SMC5: variants seen among roughly 807,000 people sequenced by gnomAD.
SMC5 encodes structural maintenance of chromosomes protein 5.
SMC5 carries 88 observed loss-of-function variants against 148.3 expected under a neutral mutation model. That is an observed-to-expected ratio of 0.59 (90% CI 0.50 to 0.71). SMC5 has a LOEUF of 0.71. Ranked by LOEUF, SMC5 falls within the 30% of genes least tolerant of loss-of-function variation. The pLI, the probability that SMC5 is intolerant of heterozygous loss-of-function variation, is 0.00. For synonymous variants in SMC5, 421 were observed against 432.8 expected, an observed-to-expected ratio of 0.97 and a Z score of 0.34; for missense variants, 1,142 against 1,298.9, an observed-to-expected ratio of 0.88 and a Z score of 1.86.
chr9:70,265,337 T>A (rs909190436), intron 2 of SMC5, among the ~76,000 whole-genome samples: 1 of 152,094 alleles, frequency 6.6e-6, no homozygotes, highest in Non-Finnish European at 1.5e-5. Flanking sequence ...CGGGTGCCTG[T>A]AATCCCAGCT....
At chr9:70,347,234 C>A in intron 20 of SMC5, 73 bp downstream of exon 20, 1 of 1,225,584 alleles carries the variant, frequency 8.2e-7, no homozygotes. Flanking sequence ...CACATACACA[C>A]ACAGAGTTCC....
chr9:70,262,203 TG>T lies in SMC5; in HGVS notation c.186-2099del, dbSNP rs1020251700. 3.7e-4 allele frequency among the ~76,000 whole-genome samples: 57 copies of T among 152,210 alleles called. 1 individual carries two copies. The highest frequency in any genetic ancestry group is 1.8e-3 in the Admixed American group (28 of 15,296). On this transcript the variant is annotated intron_variant, in intron 1 of 24. Coordinates refer to ENST00000361138, the MANE Select transcript of SMC5 (RefSeq NM_015110.4). ...GGAGTTGGGAGTGGAGGAAGACACT[TG>T]GAGGCTGAAGGAATAACATGTGCAA...
At chr9:70,273,258 G>T (rs752414992) in intron 3 of SMC5, among the ~76,000 whole-genome samples, 1 of 149,722 alleles carries the variant, frequency 6.7e-6, no homozygotes, top group Non-Finnish European at 1.5e-5. Context: ...TATAGTAATC[G>T]GTTGCTTAGA....
At chr9:70,295,470 C>CA (rs767989666) in intron 8 of SMC5, among the ~76,000 whole-genome samples, 14,008 of 81,168 alleles carry the variant, frequency 0.17, 953 homozygotes, top group African/African-American at 0.27. Context: ...GACCCTGTCT[C>CA]AAAAAAAAAA....
intron 20 of SMC5, 70 bp downstream of exon 20, chr9:70,347,231 A>C: frequency 1.6e-6 from 2 of 1,263,278 alleles, no homozygotes; most frequent in Non-Finnish European, 2.3e-6. Flanking sequence ...ACACACATAC[A>C]CACACAGAGT....
intron 14 of SMC5, 38 bp downstream of exon 14, chr9:70,318,725 A>T (rs763290523): frequency 1.3e-6 from 2 of 1,561,862 alleles, no homozygotes; most frequent in African/African-American, 2.8e-5. Context: ...AAAGAATATT[A>T]ACTGGATTTC....
At chr9:70,290,592 C>G (rs1206597376) in intron 8 of SMC5, among the ~76,000 whole-genome samples, 1 of 152,104 alleles carries the variant, frequency 6.6e-6, no homozygotes, top group Non-Finnish European at 1.5e-5. Flanking sequence ...TGCGGGTTCT[C>G]TTGATTTATT....
At position 70,308,687 on chromosome 9, in the gene SMC5, T is replaced by G. The variant is rs559963046; in HGVS notation, c.1578+3327T>G. On this transcript the variant is annotated intron_variant, in intron 11 of 24. Transcript: ENST00000361138. ...GTGCCTCTATTAATGTCTCTCAACATTTTTTCTTTTTCATTGTATTAAGTT... is the reference window on the plus strand; with the variant it reads ...GTGCCTCTATTAATGTCTCTCAACAGTTTTTCTTTTTCATTGTATTAAGTT... Among the ~76,000 whole-genome samples the G allele has an allele frequency of 1.5e-3, 221 of 152,080 alleles. 1 individual carries two copies. Among genetic ancestry groups the G allele is most frequent in the African/African-American group, 5.1e-3 (213 of 41,498 alleles).
intron 10 of SMC5, 108 bp from the exon 11 acceptor site, chr9:70,305,139 G>T: frequency 3.3e-5 from 18 of 548,370 alleles, no homozygotes; most frequent in South Asian, 4.9e-5. Context: ...TTTTTATCTT[G>T]TTTTTTCTCA....
At position 70,344,178 on chromosome 9, in the gene SMC5, G is replaced by C. The variant is rs561321099; in HGVS notation, c.2432G>C (p.Arg811Thr). ...ATTGAATTGGATGAAAATAGACAGA[G>C]ATTATTGCAGAAATGCAAGGAACTT... is the stretch of plus-strand genomic sequence containing the variant. The part of the protein sequence containing the change: ...HFIELDENRQ[R>T]LLQKCKELMK... Residue 811 changes from arginine to threonine, a missense_variant, in exon 18 of 25, where the codon AGA becomes ACA. Arg to Thr is a moderately conservative substitution (Grantham distance 71, BLOSUM62 -1). Coordinates refer to ENST00000361138, the MANE Select transcript of SMC5 (RefSeq NM_015110.4). 1 of 1,555,242 alleles carries C rather than the reference G, an allele frequency of 6.4e-7. No individual in the cohort carries two copies. Among genetic ancestry groups the C allele is most frequent in the East Asian group, 2.4e-5 (1 of 42,170 alleles).
intron 11 of SMC5, among the ~76,000 whole-genome samples, chr9:70,308,987 G>A (rs546805026): frequency 1.3e-5 from 2 of 152,128 alleles, no homozygotes; most frequent in Admixed American, 6.5e-5. Context: ...ATATATAAAA[G>A]TTAAGTTTAT....
At chr9:70,267,868 A>T (rs543568695) in intron 2 of SMC5, 55 bp from the exon 3 acceptor site, 1 of 1,460,662 alleles carries the variant, frequency 6.8e-7, no homozygotes, top group South Asian at 1.2e-5. Context: ...TAAATCTCTG[A>T]TTGTTAACCT....
In SMC5 at chr9:70,280,901, T is replaced by TA; in HGVS notation, c.819+4dup. On this transcript the variant is annotated splice_region_variant and intron_variant, in intron 6 of 24. Coordinates refer to ENST00000361138, the MANE Select transcript of SMC5 (RefSeq NM_015110.4). Reference sequence around the variant, plus strand: ...CTTGAAGCAAAAAGGCCATGGGTGGTAAGTCATAATTTTTAGAGGCAAAGT... The same window carrying TA: ...CTTGAAGCAAAAAGGCCATGGGTGGTAAAGTCATAATTTTTAGAGGCAAAGT... The TA allele has an allele frequency of 6.2e-7, 1 of 1,613,566 alleles. No individual in the cohort carries two copies. The highest frequency in any genetic ancestry group is 8.5e-7 in the Non-Finnish European group (1 of 1,179,906).
intron 19 of SMC5, 52 bp downstream of exon 19, chr9:70,346,701 C>T (rs774500173): frequency 1.5e-5 from 24 of 1,591,882 alleles, no homozygotes; most frequent in Admixed American, 5.0e-5. Context: ...CTCTGCCTTG[C>T]TCCTCCCTAG....
Position 70,352,409 on chromosome 9 carries a change from G to A in SMC5, c.*78G>A. 1 of 1,377,532 alleles carries A rather than the reference G, an allele frequency of 7.3e-7. No homozygotes were observed. The highest frequency in any genetic ancestry group is 9.8e-7 in the Non-Finnish European group (1 of 1,024,544). The allele number at this position is 1,377,532 out of a possible 1,614,324, so 85.3% of individuals were successfully genotyped here. ...AGTATGGCTCAACTGAATAAAAGGAGATTCACTAAAACGAAAAGCAGTTAT... is the reference window on the plus strand; with the variant it reads ...AGTATGGCTCAACTGAATAAAAGGAAATTCACTAAAACGAAAAGCAGTTAT... On this transcript the variant is annotated 3_prime_UTR_variant, in exon 25 of 25. Transcript: ENST00000361138.
At chr9:70,311,658 A>G (rs1472585295) in intron 11 of SMC5, 4 of 151,368 alleles carry the variant, frequency 2.6e-5, no homozygotes, top group Admixed American at 2.6e-4. Flanking sequence ...CTTTAATGAC[A>G]CTATGTTAGT....
intron 17 of SMC5, among the ~76,000 whole-genome samples, chr9:70,336,019 C>T (rs911793633): frequency 4.6e-5 from 7 of 152,134 alleles, no homozygotes; most frequent in South Asian, 2.1e-4. Context: ...AACCTGTTCA[C>T]GTATTCAGAG....
chr9:70,286,566 A>G (rs948413351), intron 8 of SMC5, among the ~76,000 whole-genome samples: 1 of 152,178 alleles, frequency 6.6e-6, no homozygotes, highest in East Asian at 1.9e-4. Flanking sequence ...ACTAAGGTCT[A>G]AGGGATTTAT....
chr9:70,287,801 C>G (rs952231709), intron 8 of SMC5, among the ~76,000 whole-genome samples: 2 of 152,174 alleles, frequency 1.3e-5, no homozygotes, highest in African/African-American at 4.8e-5. Flanking sequence ...GTTGTTTCTA[C>G]TTGGCATTTC....
Sources: gnomAD v4.1 joint callset for allele counts (sites outside exome capture counted in the v4.1 genomes callset) on GRCh38, gnomAD v4.1.1 for gene constraint, MANE v1.5 for transcripts, NCBI Gene and HGNC (gene_info 2026-07-23, HGNC 2026-07-21) for gene names.